DNAH14: variants seen among roughly 807,000 people sequenced by gnomAD.
DNAH14 encodes axonemal beta dynein heavy chain 14.
In DNAH14, 478 loss-of-function variants were observed where a neutral mutation model predicts 520.9. That is an observed-to-expected ratio of 0.92 (90% CI 0.85 to 0.99). The LOEUF (loss-of-function observed/expected upper bound fraction) is 0.99, where lower values mean the gene tolerates loss of function less well. DNAH14 is among the 50% of genes least tolerant of loss of function. The pLI is 0.00. For synonymous variants in DNAH14, 1,581 were observed against 1,757.2 expected (o/e 0.90, Z 2.51); for missense variants, 4,831 against 5,234.5 (o/e 0.92, Z 2.38).
intron 11 of DNAH14, 174 bp downstream of exon 11, chr1:225,024,039 T>A: frequency 7.7e-7 from 1 of 1,299,140 alleles, no homozygotes; most frequent in Non-Finnish European, 9.7e-7. Context: ...ATACCTTACT[T>A]AATATCGGTG....
chr1:225,313,546 T>G (rs912646274), intron 60 of DNAH14, among the ~76,000 whole-genome samples: 8 of 152,222 alleles, frequency 5.3e-5, no homozygotes, highest in Non-Finnish European at 8.8e-5. Context: ...GTGTTGATTT[T>G]AGATCTTTCT....
intron 81 of DNAH14, among the ~76,000 whole-genome samples, chr1:225,386,408 C>T (rs554609330): frequency 2.1e-4 from 32 of 152,280 alleles, no homozygotes; most frequent in African/African-American, 7.0e-4. Context: ...AGAGCTTCTG[C>T]ACAGCAAAAG....
chr1:225,199,023 T>A (rs1017249018), intron 38 of DNAH14, among the ~76,000 whole-genome samples: 4 of 152,206 alleles, frequency 2.6e-5, no homozygotes, highest in African/African-American at 9.6e-5. Flanking sequence ...TCTCCATGTT[T>A]GTTATTGGTC....
intron 17 of DNAH14, among the ~76,000 whole-genome samples, chr1:225,064,705 T>G (rs917470013): frequency 1.3e-5 from 2 of 151,972 alleles, no homozygotes; most frequent in Non-Finnish European, 2.9e-5. Flanking sequence ...ATATGAAACT[T>G]GACAAGACAA....
chr1:224,935,037 A>G (rs553068965), intron 1 of DNAH14, among the ~76,000 whole-genome samples: 2 of 152,014 alleles, frequency 1.3e-5, no homozygotes, highest in Non-Finnish European at 2.9e-5. Context: ...AAGTAAAAGG[A>G]TGACATTTAT....
chr1:225,142,324 A>C (rs917100370), intron 28 of DNAH14, among the ~76,000 whole-genome samples: 8 of 152,204 alleles, frequency 5.3e-5, no homozygotes, highest in Non-Finnish European at 1.2e-4. Flanking sequence ...CTAAGCCACC[A>C]TAGAGAATTC....
chr1:225,327,814 A>G (rs1178772088), intron 64 of DNAH14, among the ~76,000 whole-genome samples: 1 of 152,084 alleles, frequency 6.6e-6, no homozygotes, highest in Non-Finnish European at 1.5e-5. Flanking sequence ...ATCAAAATGA[A>G]CAAACCTCTA....
intron 38 of DNAH14, among the ~76,000 whole-genome samples, chr1:225,199,021 T>A (rs988143337): frequency 1.3e-5 from 2 of 152,134 alleles, no homozygotes; most frequent in African/African-American, 4.8e-5. Context: ...ATTCTCCATG[T>A]TTGTTATTGG....
At chr1:225,183,702 A>G (rs61851486) in intron 36 of DNAH14, among the ~76,000 whole-genome samples, 13 of 151,862 alleles carry the variant, frequency 8.6e-5, no homozygotes, top group Non-Finnish European at 1.3e-4. Context: ...AAAAAAAGGA[A>G]GATCCAAGTA....
At chr1:225,263,888 G>A (rs555777845) in intron 46 of DNAH14, among the ~76,000 whole-genome samples, 16 of 152,124 alleles carry the variant, frequency 1.1e-4, no homozygotes, top group South Asian at 1.0e-3. Flanking sequence ...TGAGTGATCC[G>A]TAAGGCAAAT....
At chr1:225,354,355 T>G (rs2095407228) in intron 73 of DNAH14, 1 of 661,406 alleles carries the variant, frequency 1.5e-6, no homozygotes, top group Non-Finnish European at 2.8e-6. Flanking sequence ...ACATGACCTT[T>G]ATTATTAATA....
At chr1:225,081,119 T>C (rs1336394672) in intron 19 of DNAH14, among the ~76,000 whole-genome samples, 1 of 152,120 alleles carries the variant, frequency 6.6e-6, no homozygotes, top group Non-Finnish European at 1.5e-5. Context: ...GCTTAAAGAG[T>C]AATTTTTAGA....
At chr1:225,328,693 C>T (rs2150258871) in intron 64 of DNAH14, among the ~76,000 whole-genome samples, 1 of 152,230 alleles carries the variant, frequency 6.6e-6, no homozygotes, top group African/African-American at 2.4e-5. Flanking sequence ...TCATCAAAAA[C>T]ATTACCTTTG....
At chr1:225,045,400 G>T (rs1447998247) in intron 15 of DNAH14, among the ~76,000 whole-genome samples, 1 of 151,860 alleles carries the variant, frequency 6.6e-6, no homozygotes, top group Admixed American at 6.6e-5. Flanking sequence ...TAGTATAATA[G>T]TATTAATGAA....
chr1:225,287,225 C>T (rs955121620), intron 54 of DNAH14, among the ~76,000 whole-genome samples: 2 of 152,042 alleles, frequency 1.3e-5, no homozygotes, highest in Admixed American at 6.6e-5. Flanking sequence ...AAAAAAAAGT[C>T]ATTTTGGAGG....
chr1:225,044,355 T>C (rs2067748998), intron 15 of DNAH14, among the ~76,000 whole-genome samples: 1 of 152,204 alleles, frequency 6.6e-6, no homozygotes. Context: ...ATGTACACAA[T>C]CTGAAATTGC....
chr1:225,205,226 TAGG>T (rs1200039265), intron 39 of DNAH14, among the ~76,000 whole-genome samples: 1 of 152,114 alleles, frequency 6.6e-6, no homozygotes, highest in East Asian at 1.9e-4. Flanking sequence ...GTGATGCTAT[TAGG>T]AGGCAGGGGG....
At chr1:224,970,716 CCT>C (rs1458742872) in intron 7 of DNAH14, among the ~76,000 whole-genome samples, 1 of 152,018 alleles carries the variant, frequency 6.6e-6, no homozygotes, top group East Asian at 1.9e-4. Context: ...CTGAATTTCC[CCT>C]GATAGGTTTT....
intron 82 of DNAH14, 85 bp downstream of exon 82, chr1:225,388,576 C>T (rs2095868071): frequency 4.0e-6 from 3 of 748,450 alleles, no homozygotes; most frequent in Non-Finnish European, 6.5e-6. Flanking sequence ...TGCTTGGTCT[C>T]CTTGGGTTCT....
Sources: allele counts gnomAD v4.1 joint callset (sites outside exome capture counted in the v4.1 genomes callset), GRCh38; gene constraint gnomAD v4.1.1; transcripts MANE v1.5; gene names NCBI Gene and HGNC (gene_info 2026-07-23, HGNC 2026-07-21).